The following PATJ variants were observed in gnomAD, a reference collection of about 807,000 sequenced individuals.
The protein encoded by PATJ is PATJ crumbs cell polarity complex component, also known as inaD-like protein.
In PATJ, 190 loss-of-function variants were observed where a neutral mutation model predicts 224.9. That is an observed-to-expected ratio of 0.84 (90% CI 0.75 to 0.95). The LOEUF is 0.95. PATJ is among the 40% of genes least tolerant of loss of function. The pLI, the probability that PATJ is intolerant of heterozygous loss-of-function variation, is 0.00. For missense variants in PATJ, 2,121 were observed against 2,270.3 expected (o/e 0.93, Z 1.34); for synonymous variants, 769 against 820.3 (o/e 0.94, Z 1.07).
intron 43 of PATJ, among the ~76,000 whole-genome samples, chr1:62,158,881 G>A (rs1486609128): frequency 1.3e-5 from 2 of 148,482 alleles, no homozygotes; most frequent in African/African-American, 2.5e-5. Context: ...CCTGGGAGGT[G>A]GAGTTTGCAG....
At chr1:61,818,450 A>T (rs147025740) in intron 14 of PATJ, among the ~76,000 whole-genome samples, 2 of 152,342 alleles carry the variant, frequency 1.3e-5, no homozygotes, top group East Asian at 3.9e-4. Context: ...TGCATACTGA[A>T]AGGGGTGGAC....
intron 17 of PATJ, among the ~76,000 whole-genome samples, chr1:61,842,767 A>AAAAAAAAGGAAAAG (rs1314599620): frequency 1.8e-3 from 3 of 1,640 alleles, no homozygotes; most frequent in East Asian, 0.013. Context: ...AGCTATTAAA[A>AAAAAAAAGGAAAAG]AAAAAAAGGA....
intron 33 of PATJ, among the ~76,000 whole-genome samples, chr1:62,101,650 T>C (rs1184986716): frequency 6.6e-6 from 1 of 152,232 alleles, no homozygotes; most frequent in Non-Finnish European, 1.5e-5. Context: ...ATGTTTTAAA[T>C]GTTTATAAAG....
rs201699813 is a variant in PATJ, at chr1:61,780,309, C to CA, written c.849+4981dup. 3.5e-3 allele frequency among the ~76,000 whole-genome samples: 539 copies of CA among 152,100 alleles called. 13 individuals are homozygous for CA. Among genetic ancestry groups the CA allele is most frequent in the East Asian group, 0.026 (135 of 5,170 alleles). ...TGAAACCCCGTCGCTACTAAAAATA[C>CA]AAAAAATTAGCCAGGTGTGGAGGTG... On this transcript the variant is annotated intron_variant, in intron 7 of 43. Transcript: ENST00000642238.
chr1:61,942,327 T>A (rs1187470283), intron 27 of PATJ, among the ~76,000 whole-genome samples: 1 of 152,194 alleles, frequency 6.6e-6, no homozygotes, highest in Non-Finnish European at 1.5e-5. Context: ...AACTCAATTT[T>A]TGAAAATGGG....
chr1:62,145,799 T>C (rs558530145), intron 41 of PATJ, among the ~76,000 whole-genome samples: 3 of 150,862 alleles, frequency 2.0e-5, no homozygotes, highest in Admixed American at 6.6e-5. Flanking sequence ...CTACTAAAAA[T>C]ACAAAAAAAT....
At chr1:61,916,055 A>G (rs1181587236) in intron 26 of PATJ, among the ~76,000 whole-genome samples, 2 of 152,124 alleles carry the variant, frequency 1.3e-5, no homozygotes, top group Non-Finnish European at 2.9e-5. Flanking sequence ...TTATTTTGCT[A>G]TTTAATGATA....
intron 7 of PATJ, among the ~76,000 whole-genome samples, chr1:61,777,531 T>C (rs974094941): frequency 2.0e-5 from 3 of 151,734 alleles, no homozygotes; most frequent in Non-Finnish European, 4.4e-5. Flanking sequence ...AGACCCTGTC[T>C]CAAGAAAAAA....
At chr1:61,786,287 G>A (rs1248425064) in intron 7 of PATJ, among the ~76,000 whole-genome samples, 1 of 152,186 alleles carries the variant, frequency 6.6e-6, no homozygotes, top group Non-Finnish European at 1.5e-5. Flanking sequence ...CTCCCAAAGT[G>A]CTGGGATTAC....
At chr1:62,153,305 A>C in intron 42 of PATJ, 53 bp from the exon 43 acceptor site, 2 of 1,164,134 alleles carry the variant, frequency 1.7e-6, no homozygotes, top group Non-Finnish European at 2.2e-6. Context: ...AATTAAATGA[A>C]ATTCCCTCTC....
rs952716298 is a variant in PATJ at position 62,108,617 on chromosome 1, G to A, written c.4461+97G>A. ...CTTTCTACTCAACTGTATTTTCACT[G>A]ATTCCTCTCCCATTTAACAAAATAC... On this transcript the variant is annotated intron_variant, in intron 34 of 43. Coordinates refer to ENST00000642238, the MANE Select transcript of PATJ (RefSeq NM_001350145.3). The A allele has an allele frequency of 1.3e-5, 8 of 595,226 alleles. No individual in the cohort carries two copies. In the African/African-American group the frequency reaches 1.5e-4, roughly 11 times the overall value. The allele number at this position is 595,226 out of a possible 1,614,324, so 36.9% of individuals were successfully genotyped here.
At chr1:61,987,597 C>G (rs1288209020) in intron 27 of PATJ, among the ~76,000 whole-genome samples, 2 of 152,134 alleles carry the variant, frequency 1.3e-5, no homozygotes, top group Admixed American at 6.5e-5. Flanking sequence ...CTCAACCCCC[C>G]ATCCCTGGGG....
chr1:62,024,989 T>C (rs1252587553), intron 29 of PATJ, among the ~76,000 whole-genome samples: 1 of 152,202 alleles, frequency 6.6e-6, no homozygotes, highest in African/African-American at 2.4e-5. Context: ...TTCCCAACTG[T>C]CCCAAGCCTG....
At chr1:61,813,383 A>G (rs1465797783) in intron 14 of PATJ, among the ~76,000 whole-genome samples, 9 of 16,358 alleles carry the variant, frequency 5.5e-4, no homozygotes, top group East Asian at 5.2e-3. Context: ...ATATATACAC[A>G]CACACACACA....
chr1:62,021,079 C>T (rs749342777), intron 29 of PATJ, among the ~76,000 whole-genome samples: 11 of 151,958 alleles, frequency 7.2e-5, no homozygotes, highest in Non-Finnish European at 1.5e-4. Context: ...CTGCCTGGCT[C>T]GGCCTCCCAA....
At chr1:61,926,079 G>A (rs1675149681) in intron 26 of PATJ, among the ~76,000 whole-genome samples, 1 of 152,216 alleles carries the variant, frequency 6.6e-6, no homozygotes, top group African/African-American at 2.4e-5. Context: ...CAGTTGTTTA[G>A]TCATTCAGCA....
intron 31 of PATJ, among the ~76,000 whole-genome samples, chr1:62,058,138 G>A (rs1402826962): frequency 6.6e-6 from 1 of 152,152 alleles, no homozygotes; most frequent in Admixed American, 6.5e-5. Flanking sequence ...TCTACTCAGG[G>A]CAGCATTCTT....
intron 6 of PATJ, among the ~76,000 whole-genome samples, chr1:61,773,798 C>CA (rs1287038481): frequency 6.7e-6 from 1 of 148,670 alleles, no homozygotes; most frequent in Non-Finnish European, 1.5e-5. Context: ...AAACAAAAAA[C>CA]AAAAAACAAA....
chr1:61,848,064 G>A lies in PATJ; in HGVS notation c.2113-7966G>A, dbSNP rs1662244793. Among the ~76,000 whole-genome samples, 6 of 152,134 alleles carry A rather than the reference G, an allele frequency of 3.9e-5. No individual in the cohort carries two copies. In the South Asian group the frequency reaches 1.2e-3, roughly 31 times the overall value. ...TACTTTTTATAGTGGTTTTGTGAAT[G>A]TTTGGATAGAAACTAGGGACAAATT... On this transcript the variant is annotated intron_variant, in intron 17 of 43. Coordinates refer to ENST00000642238, the MANE Select transcript of PATJ (RefSeq NM_001350145.3).
Sources: gnomAD v4.1 joint callset for allele counts (sites outside exome capture counted in the v4.1 genomes callset) on GRCh38, gnomAD v4.1.1 for gene constraint, MANE v1.5 for transcripts, NCBI Gene and HGNC (gene_info 2026-07-23, HGNC 2026-07-21) for gene names.